Variants in VPS4B observed in about 807,000 individuals in gnomAD.
The protein encoded by VPS4B is vacuolar protein sorting 4 homolog B, also known as vacuolar protein sorting-associated protein 4B.
In VPS4B, 23 loss-of-function variants were observed where a neutral mutation model predicts 56.1. The ratio of observed to expected loss-of-function variants is 0.41; its 90% CI spans 0.30 to 0.58. The LOEUF (loss-of-function observed/expected upper bound fraction) is 0.58. VPS4B is among the 20% of genes least tolerant of loss of function. The pLI is 0.29. For synonymous variants in VPS4B, 177 were observed against 186.0 expected (o/e 0.95, Z 0.39); for missense variants, 372 against 531.9 (o/e 0.70, Z 2.96).
intron 3 of VPS4B, among the ~76,000 whole-genome samples, chr18:63,409,465 C>T (rs906228225): frequency 6.6e-6 from 1 of 152,260 alleles, no homozygotes; most frequent in African/African-American, 2.4e-5. Flanking sequence ...TTTTCAAACC[C>T]AAGCAGGCCA....
At chr18:63,407,722 G>A (rs537140057) in intron 3 of VPS4B, among the ~76,000 whole-genome samples, 1 of 152,278 alleles carries the variant, frequency 6.6e-6, no homozygotes, top group South Asian at 2.1e-4. Context: ...AGACCAGAAT[G>A]AAGTCAGGAA....
intron 1 of VPS4B, among the ~76,000 whole-genome samples, chr18:63,421,642 T>A (rs112825223): frequency 5.3e-5 from 8 of 152,328 alleles, no homozygotes; most frequent in Admixed American, 1.3e-4. Flanking sequence ...ACTGTGCTCA[T>A]TGCGGTAGAG....
At chr18:63,409,579 C>T (rs1400916331) in intron 3 of VPS4B, among the ~76,000 whole-genome samples, 1 of 152,144 alleles carries the variant, frequency 6.6e-6, no homozygotes, top group East Asian at 1.9e-4. Context: ...AATATGTTCC[C>T]AGTGCTGAGC....
At position 63,414,167 on chromosome 18, in the gene VPS4B, A is replaced by G. The variant is rs147834812; in HGVS notation, c.28-2589T>C. ...GAGGCCGAGGAGGGCGGATCACTTG[A>G]GGTCAGGAGTTCGAGACCAGCCTGG... On this transcript the variant is annotated intron_variant, in intron 1 of 10. Transcript: ENST00000238497. 2.8e-3 allele frequency among the ~76,000 whole-genome samples: 430 copies of G among 152,116 alleles called. 3 individuals are homozygous for G. The highest frequency in any genetic ancestry group is 9.8e-3 in the African/African-American group (408 of 41,498).
At chr18:63,409,382 C>T (rs1915984183) in intron 3 of VPS4B, among the ~76,000 whole-genome samples, 1 of 152,212 alleles carries the variant, frequency 6.6e-6, no homozygotes, top group Non-Finnish European at 1.5e-5. Context: ...AGGGTATTGT[C>T]TAAATAACCT....
At chr18:63,409,172 T>C (rs1011936280) in intron 3 of VPS4B, among the ~76,000 whole-genome samples, 9 of 152,210 alleles carry the variant, frequency 5.9e-5, no homozygotes, top group Admixed American at 3.9e-4. Flanking sequence ...AGAAACTCCC[T>C]GGTTCCCCGA....
chr18:63,421,663 G>A (rs1004803205), intron 1 of VPS4B, among the ~76,000 whole-genome samples: 1 of 152,188 alleles, frequency 6.6e-6, no homozygotes, highest in Non-Finnish European at 1.5e-5. Flanking sequence ...GAGGGGAAGT[G>A]GAGCCACACA....
intron 4 of VPS4B, 40 bp from the exon 5 acceptor site, chr18:63,403,866 T>C (rs1388186864): frequency 6.3e-7 from 1 of 1,576,548 alleles, no homozygotes; most frequent in Non-Finnish European, 8.6e-7. Flanking sequence ...AGAAAGACTA[T>C]TTCACCAAAG....
Position 63,393,405 on chromosome 18 carries a change from A to C in VPS4B, c.1233+4T>G. 6.3e-7 allele frequency: 1 copy of C among 1,580,904 alleles called. No individual in the cohort carries two copies. Among genetic ancestry groups the C allele is most frequent in the Non-Finnish European group, 8.6e-7 (1 of 1,168,424 alleles). The stretch of plus-strand genomic sequence containing the variant: ...TTTTCTTAAAAACAAACAAAATTTC[A>C]AACCATGGAAACAACTGGCTCCAAA... On this transcript the variant is annotated splice_donor_region_variant and intron_variant, in intron 10 of 10. Coordinates refer to ENST00000238497, the MANE Select transcript of VPS4B (RefSeq NM_004869.4).
intron 10 of VPS4B, among the ~76,000 whole-genome samples, chr18:63,391,611 T>A (rs1044220822): frequency 1.3e-5 from 2 of 152,230 alleles, no homozygotes; most frequent in African/African-American, 4.8e-5. Context: ...CCTGAACTGA[T>A]CAAATGGCTC....
intron 1 of VPS4B, among the ~76,000 whole-genome samples, 178 bp from the exon 2 acceptor site, chr18:63,411,756 AC>A (rs1916051235): frequency 6.6e-6 from 1 of 152,096 alleles, no homozygotes; most frequent in Non-Finnish European, 1.5e-5. Flanking sequence ...TTTCTAACTC[AC>A]AACTGTATTT....
At chr18:63,402,680 ATAAG>A (rs1300718130) in intron 5 of VPS4B, among the ~76,000 whole-genome samples, 4 of 152,378 alleles carry the variant, frequency 2.6e-5, no homozygotes, top group East Asian at 1.9e-4. Context: ...AAAAAGTGGT[ATAAG>A]TAATATACCA....
At chr18:63,397,277 A>G (rs1309788655) in intron 8 of VPS4B, 24 bp from the exon 9 acceptor site, 19 of 1,568,940 alleles carry the variant, frequency 1.2e-5, no homozygotes, top group Middle Eastern at 1.7e-4. Context: ...TTACATCAAG[A>G]ATATATTTAA....
chr18:63,410,268 T>A (rs973683617), intron 3 of VPS4B, 22 bp downstream of exon 3: 17 of 1,605,246 alleles, frequency 1.1e-5, no homozygotes, highest in Non-Finnish European at 1.4e-5. Flanking sequence ...CACAATAAAA[T>A]TGAACAATTT....
At chr18:63,400,258 A>G (rs984644803) in intron 6 of VPS4B, 62 bp from the exon 7 acceptor site, 4 of 1,474,990 alleles carry the variant, frequency 2.7e-6, no homozygotes, top group Non-Finnish European at 3.6e-6. Flanking sequence ...ACAAAGTAAT[A>G]TATCAATATT....
chr18:63,398,348 G>A (rs371379224), intron 8 of VPS4B, among the ~76,000 whole-genome samples: 3 of 151,768 alleles, frequency 2.0e-5, no homozygotes, highest in East Asian at 3.9e-4. Flanking sequence ...CCGAGTAGCT[G>A]GGACTACAGA....
chr18:63,398,383 T>C (rs1915727083), intron 8 of VPS4B, among the ~76,000 whole-genome samples: 2 of 151,722 alleles, frequency 1.3e-5, no homozygotes, highest in Non-Finnish European at 2.9e-5. Flanking sequence ...CATGGCCAGG[T>C]AATTTTTTTG....
intron 1 of VPS4B, among the ~76,000 whole-genome samples, chr18:63,415,066 C>T (rs1051503666): frequency 1.3e-5 from 2 of 152,150 alleles, no homozygotes; most frequent in African/African-American, 2.4e-5. Flanking sequence ...GGGTGGCACA[C>T]GTTAAACCTT....
Position 63,400,130 on chromosome 18 carries a change from A to G in VPS4B, c.708T>C (p.Ile236=). ...CACTTCTTGAACCACAGAGAGAATC[A>G]ATTTCATCAATGAAGATAATGGAGG... ...NKPSIIFIDE[I]DSLCGSRSEN... The change falls in exon 7 of 11, where the codon ATT becomes ATC. Residue 236 remains isoleucine (I), a synonymous_variant. Transcript: ENST00000238497. 6.2e-7 allele frequency: 1 copy of G among 1,613,936 alleles called. No homozygotes were observed.
Sources: gnomAD v4.1 joint callset for allele counts (sites outside exome capture counted in the v4.1 genomes callset) on GRCh38, gnomAD v4.1.1 for gene constraint, MANE v1.5 for transcripts, NCBI Gene and HGNC (gene_info 2026-07-23, HGNC 2026-07-21) for gene names.